Variants in BAZ1A observed in about 807,000 individuals in gnomAD.
The protein encoded by BAZ1A is bromodomain adjacent to zinc finger domain protein 1A.
BAZ1A carries 50 observed loss-of-function variants against 185.2 expected under a neutral mutation model. That is an observed-to-expected ratio of 0.27 (90% CI 0.22 to 0.34). The LOEUF is 0.34. Among genes scored for constraint, BAZ1A ranks in the 10% least tolerant of loss-of-function variants. BAZ1A has a pLI of 1.00. For synonymous variants in BAZ1A, 571 were observed against 615.6 expected, an observed-to-expected ratio of 0.93 and a Z score of 1.07; for missense variants, 1,356 against 1,839.9, an observed-to-expected ratio of 0.74 and a Z score of 4.81.
At chr14:34,776,538 C>T (rs1193983551) in intron 17 of BAZ1A, 23 bp from the exon 18 acceptor site, 4 of 1,524,360 alleles carry the variant, frequency 2.6e-6, no homozygotes, top group Non-Finnish European at 3.5e-6. Flanking sequence ...TAAAATGTTT[C>T]ATCATCATCA....
At chr14:34,835,157 G>A (rs1162886323) in intron 3 of BAZ1A, among the ~76,000 whole-genome samples, 2 of 151,750 alleles carry the variant, frequency 1.3e-5, no homozygotes, top group African/African-American at 4.9e-5. Flanking sequence ...TGCCTCCTGG[G>A]TTCAAGGAAT....
chr14:34,759,886 G>A (rs748095995), intron 24 of BAZ1A, among the ~76,000 whole-genome samples: 7 of 151,940 alleles, frequency 4.6e-5, no homozygotes, highest in Non-Finnish European at 7.4e-5. Context: ...TGTTGGCCAG[G>A]CTGGTCTCCA....
intron 3 of BAZ1A, among the ~76,000 whole-genome samples, chr14:34,834,230 C>T (rs571711177): frequency 6.6e-6 from 1 of 152,152 alleles, no homozygotes; most frequent in Admixed American, 6.5e-5. Flanking sequence ...ATGAAGGAAG[C>T]TTTTCAGGGA....
In BAZ1A at chr14:34,752,975, A is replaced by G. The variant is rs1886078097; in HGVS notation, c.*533T>C. Reference sequence around the variant, plus strand: ...ACAAATTACTCTCAATACTAAATAAATATCTAGTTAATAAACTTGGACTTA... The same window carrying G: ...ACAAATTACTCTCAATACTAAATAAGTATCTAGTTAATAAACTTGGACTTA... On this transcript the variant is annotated 3_prime_UTR_variant, in exon 27 of 27. Coordinates refer to ENST00000360310, the MANE Select transcript of BAZ1A (RefSeq NM_013448.3). 1 of 152,662 alleles carries G rather than the reference A, an allele frequency of 6.6e-6. No individual in the cohort carries two copies. Among genetic ancestry groups the G allele is most frequent in the African/African-American group, 2.4e-5 (1 of 41,454 alleles). The allele number at this position is 152,662 out of a possible 1,614,324, so 9.5% of individuals were successfully genotyped here.
chr14:34,845,774 T>C (rs2042500126), intron 3 of BAZ1A, among the ~76,000 whole-genome samples: 1 of 148,406 alleles, frequency 6.7e-6, no homozygotes. Context: ...GGCAGGAGAA[T>C]CACTTGAACC....
chr14:34,837,249 C>T (rs2042344823), intron 3 of BAZ1A, among the ~76,000 whole-genome samples: 1 of 151,098 alleles, frequency 6.6e-6, no homozygotes, highest in Non-Finnish European at 1.5e-5. Flanking sequence ...TAATAAGTCT[C>T]TTTTTTTCTT....
At chr14:34,758,534 C>T (rs561766881) in intron 25 of BAZ1A, 170 bp downstream of exon 25, 28 of 563,880 alleles carry the variant, frequency 5.0e-5, no homozygotes, top group Non-Finnish European at 8.0e-5. Context: ...GAGCCGAGAT[C>T]GCGCCACTGC....
Position 34,765,165 on chromosome 14 carries a change from G to C in BAZ1A, c.3405C>G (p.Thr1135=). 3.1e-6 allele frequency: 5 copies of C among 1,614,108 alleles called. No homozygotes were observed. Among genetic ancestry groups the C allele is most frequent in the Non-Finnish European group, 4.2e-6 (5 of 1,180,024 alleles). Residue 1135 remains threonine, a synonymous_variant, in exon 22 of 27, where the codon ACC becomes ACG. Coordinates refer to ENST00000360310, the MANE Select transcript of BAZ1A (RefSeq NM_013448.3). ...SLSQVFLHLS[T]LDRSVIWSKS... ...TAGACCATATCACGCTACGATCCAA[G>C]GTGGATAGGTGAAGAAAAACTTGGG...
At chr14:34,757,742 C>CA (rs1566542050) in intron 25 of BAZ1A, among the ~76,000 whole-genome samples, 2 of 126,310 alleles carry the variant, frequency 1.6e-5, no homozygotes, top group Non-Finnish European at 3.6e-5. Flanking sequence ...CTATTGTTTT[C>CA]TTTTTTTTTT....
In BAZ1A at chr14:34,753,277, A is replaced by C; in HGVS notation, c.*231T>G. On this transcript the variant is annotated 3_prime_UTR_variant, in exon 27 of 27. Transcript: ENST00000360310. ...CAAAAATGTACAAAAACCTCTGTAA[A>C]CCAGTACTGTATCCAATACATCTAT... The C allele has an allele frequency of 2.2e-6, 1 of 453,752 alleles. No individual in the cohort carries two copies. Among genetic ancestry groups the C allele is most frequent in the Non-Finnish European group, 3.9e-6 (1 of 255,502 alleles). The allele number at this position is 453,752 out of a possible 1,614,324, so 28.1% of individuals were successfully genotyped here.
At chr14:34,832,416 A>C (rs937172599) in intron 3 of BAZ1A, among the ~76,000 whole-genome samples, 6 of 147,464 alleles carry the variant, frequency 4.1e-5, no homozygotes, top group African/African-American at 1.5e-4. Flanking sequence ...CAGGCAGACA[A>C]AGAGATGGCA....
rs370982752 is a variant in BAZ1A at position 34,783,345 on chromosome 14, A to ATAAT, written c.1998-117_1998-114dup. ...GTACTTCAAACATTATTATAAAACT[A>ATAAT]TAATGTAGTAATCATTCATAAGCTT... On this transcript the variant is annotated intron_variant, in intron 15 of 26. Coordinates refer to ENST00000360310, the MANE Select transcript of BAZ1A (RefSeq NM_013448.3). 1,982 of 640,296 alleles carry ATAAT rather than the reference A, an allele frequency of 3.1e-3. 39 individuals are homozygous for ATAAT. In the African/African-American group the frequency reaches 0.034, roughly 11 times the overall value. 39.7% of individuals were successfully genotyped at this position (640,296 alleles called of 1,614,324 possible).
intron 2 of BAZ1A, among the ~76,000 whole-genome samples, chr14:34,873,018 GGAGCA>G (rs1333066752): frequency 6.7e-6 from 1 of 150,308 alleles, no homozygotes; most frequent in Non-Finnish European, 1.5e-5. Flanking sequence ...AGTCTCTACA[GGAGCA>G]GAGCGAGATG....
chr14:34,782,492 A>AT (rs1034803314), intron 16 of BAZ1A, among the ~76,000 whole-genome samples: 52 of 151,722 alleles, frequency 3.4e-4, no homozygotes, highest in African/African-American at 1.2e-3. Context: ...GAATCTTTCA[A>AT]TTTTTTATTG....
chr14:34,793,035 T>C, intron 11 of BAZ1A, 114 bp from the exon 12 acceptor site: 1 of 938,998 alleles, frequency 1.1e-6, no homozygotes, highest in African/African-American at 1.7e-5. Flanking sequence ...TTCTTAAGCA[T>C]CAATTTATGA....
At chr14:34,762,272 C>T in intron 23 of BAZ1A, 49 bp from the exon 24 acceptor site, 1 of 1,524,752 alleles carries the variant, frequency 6.6e-7, no homozygotes, top group Non-Finnish European at 9.0e-7. Context: ...CAATGATGAA[C>T]ATATGATTAG....
intron 14 of BAZ1A, 98 bp downstream of exon 14, chr14:34,785,679 A>G: frequency 2.1e-6 from 2 of 935,454 alleles, no homozygotes. Flanking sequence ...CTCTTTTAAT[A>G]CTGATTTATT....
chr14:34,874,421 A>G lies in BAZ1A; in HGVS notation c.113+71T>C. The G allele has an allele frequency of 1.4e-6, 2 of 1,405,852 alleles. No homozygotes were observed. Among genetic ancestry groups the G allele is most frequent in the Non-Finnish European group, 2.0e-6 (2 of 997,674 alleles). The allele number at this position is 1,405,852 out of a possible 1,614,324, so 87.1% of individuals were successfully genotyped here. ...CCAGAAGCCCAGGGCGAGGAAAAGG[A>G]GAGAGACAAAAGAGCGCTGCGGGGG... is the stretch of plus-strand genomic sequence containing the variant. On this transcript the variant is annotated intron_variant, in intron 2 of 26. Transcript: ENST00000360310. The surrounding 1 kb of genome is among the most constrained non-coding windows in gnomAD (Gnocchi z 4.7).
At chr14:34,780,858 G>A (rs1466330547) in intron 16 of BAZ1A, among the ~76,000 whole-genome samples, 1 of 152,142 alleles carries the variant, frequency 6.6e-6, no homozygotes, top group African/African-American at 2.4e-5. Context: ...TAGCCACTGT[G>A]TGAAAAATTA....
Sources: gnomAD v4.1 joint callset for allele counts (sites outside exome capture counted in the v4.1 genomes callset) on GRCh38, gnomAD v4.1.1 for gene constraint, Gnocchi (gnomAD v3.1) non-coding constraint, MANE v1.5 for transcripts, NCBI Gene and HGNC (gene_info 2026-07-23, HGNC 2026-07-21) for gene names.